EIF2B4: variants seen among roughly 807,000 people sequenced by gnomAD.
EIF2B4 encodes translation initiation factor eIF2B subunit delta.
Under a neutral mutation model 66.7 loss-of-function variants are expected in EIF2B4, and 34 were observed. That is an observed-to-expected ratio of 0.51 (90% CI 0.39 to 0.68). The LOEUF is 0.68. Among genes scored for constraint, EIF2B4 ranks in the 30% least tolerant of loss-of-function variants. The pLI is 0.00. For missense variants in EIF2B4, 618 were observed against 657.9 expected (o/e 0.94, Z 0.66); for synonymous variants, 278 against 253.6 (o/e 1.10, Z -0.92).
Position 27,364,912 on chromosome 2 carries a change from G to A in EIF2B4, c.1192-14C>T, listed in dbSNP as rs1681730753. On this transcript the variant is annotated splice_polypyrimidine_tract_variant and intron_variant, in intron 11 of 12. Transcript: ENST00000347454. ...CACCTTGGAAACCTGTTTCACAGGA[G>A]AAGAGGAAGAAAAAAATGTCATTGT... 2 of 1,613,192 alleles carry A rather than the reference G, an allele frequency of 1.2e-6. No individual in the cohort carries two copies. The highest frequency in any genetic ancestry group is 1.7e-6 in the Non-Finnish European group (2 of 1,179,548).
intron 10 of EIF2B4, 21 bp from the exon 11 acceptor site, chr2:27,366,957 G>A (rs1681910207): frequency 2.5e-6 from 4 of 1,613,922 alleles, no homozygotes; most frequent in Admixed American, 3.3e-5. Context: ...TGAAGAGGAG[G>A]ATTCAGTTAT....
chr2:27,364,986 G>T, intron 11 of EIF2B4, 88 bp from the exon 12 acceptor site: 1 of 1,316,668 alleles, frequency 7.6e-7, no homozygotes, highest in Non-Finnish European at 1.1e-6. Flanking sequence ...GCAACATTAA[G>T]ACAAGTAATA....
At position 27,367,836 on chromosome 2, in the gene EIF2B4, A is replaced by G. The variant is rs1274287372; in HGVS notation, c.706-14T>C. 1.2e-6 allele frequency: 2 copies of G among 1,611,206 alleles called. No homozygotes were observed. Among genetic ancestry groups the G allele is most frequent in the African/African-American group, 2.7e-5 (2 of 74,866 alleles). On this transcript the variant is annotated splice_polypyrimidine_tract_variant and intron_variant, in intron 7 of 12. Transcript: ENST00000347454. ...ATCCTGAATCACCTATAGGGTACAC[A>G]AGGTGATCTGCAAAATACCCCTTAA...
At chr2:27,368,333 C>G in intron 6 of EIF2B4, 39 bp downstream of exon 6, 2 of 1,569,466 alleles carry the variant, frequency 1.3e-6, no homozygotes, top group Non-Finnish European at 1.8e-6. Flanking sequence ...ACTAAAACTC[C>G]TCAGACTCAA....
intron 11 of EIF2B4, chr2:27,365,219 G>A (rs959873175): frequency 5.7e-5 from 20 of 352,802 alleles, no homozygotes; most frequent in Middle Eastern, 9.7e-4. Flanking sequence ...ACCACTCCCA[G>A]CTGATTTGTT....
At position 27,369,445 on chromosome 2, in the gene EIF2B4, A is replaced by T. The variant is rs780733138; in HGVS notation, c.180T>A (p.Thr60=). The T allele has an allele frequency of 1.9e-6, 3 of 1,614,082 alleles. No homozygotes were observed. Among genetic ancestry groups the T allele is most frequent in the Non-Finnish European group, 2.5e-6 (3 of 1,180,018 alleles). The part of the protein sequence containing the change: ...RKEEKGAEPE[T]GSAVSAAQCQ... ...ATTGGGCTGCAGATACAGCAGAGCC[A>T]GTCTCTGGTTCTGCCCCCTTTTCTT... The change falls in exon 3 of 13, where the codon ACT becomes ACA. Residue 60 remains threonine, a synonymous_variant. Coordinates refer to ENST00000347454, the MANE Select transcript of EIF2B4 (RefSeq NM_001034116.2).
In EIF2B4 at chr2:27,369,156, T is replaced by C; in HGVS notation, c.268A>G (p.Lys90Glu). Residue 90 changes from lysine (K) to glutamate (E), a missense_variant, in exon 4 of 13, where the codon AAA (lysine) becomes GAA (glutamate). Transcript: ENST00000347454. ...GCCTTACTCCGACCAGCTGGAACTTTCTCCCGAGGAGTGCCCAACTGAATG... is the reference window on the plus strand; with the variant it reads ...GCCTTACTCCGACCAGCTGGAACTTCCTCCCGAGGAGTGCCCAACTGAATG... ...SGIQLGTPREKVPAGRSKAEL... is the reference protein window; with the variant it reads ...SGIQLGTPREEVPAGRSKAEL... 6.2e-7 allele frequency: 1 copy of C among 1,613,648 alleles called. No homozygotes were observed. Among genetic ancestry groups the C allele is most frequent in the South Asian group, 1.1e-5 (1 of 91,078 alleles).
Position 27,369,978 on chromosome 2 carries a change from A to G in EIF2B4, c.32-59T>C, listed in dbSNP as rs746918564. 1.2e-5 allele frequency: 19 copies of G among 1,547,036 alleles called. No individual in the cohort carries two copies. The South Asian group carries it at 1.9e-4, about 16-fold the overall frequency. The stretch of plus-strand genomic sequence containing the variant: ...AGAGACTCCGGGAGGGTTTGGGGGC[A>G]CGAGTACTCGGCGCAGCCGGCTGCT... On this transcript the variant is annotated intron_variant, in intron 1 of 12. Coordinates refer to ENST00000347454, the MANE Select transcript of EIF2B4 (RefSeq NM_001034116.2).
chr2:27,368,198 T>C lies in EIF2B4; in HGVS notation c.591-59A>G, dbSNP rs1682008205. Reference sequence around the variant, plus strand: ...GGAGCTTGAGCATCTACTGCCCACCTGCCCCTGATGAAAAGGAACTCCCTT... The same window carrying C: ...GGAGCTTGAGCATCTACTGCCCACCCGCCCCTGATGAAAAGGAACTCCCTT... On this transcript the variant is annotated intron_variant, in intron 6 of 12. Transcript: ENST00000347454. 1.1e-5 allele frequency: 15 copies of C among 1,420,668 alleles called. No homozygotes were observed. In the East Asian group the frequency reaches 3.7e-4, roughly 35 times the overall value. The allele number at this position is 1,420,668 out of a possible 1,614,324, so 88.0% of individuals were successfully genotyped here. A position where few individuals can be genotyped will look rare whatever the true frequency, so the allele number is the denominator to read the frequency against.
chr2:27,367,860 A>G, intron 7 of EIF2B4, 38 bp from the exon 8 acceptor site: 2 of 1,592,244 alleles, frequency 1.3e-6, no homozygotes, highest in Non-Finnish European at 1.7e-6. Flanking sequence ...AATACCCCTT[A>G]ATAAAGATCT....
rs1176474610 is a variant in EIF2B4 at position 27,368,429 on chromosome 2, C to T, written c.533G>A (p.Ser178Asn). Residue 178 changes from serine (S) to asparagine (N), a missense_variant, in exon 6 of 13, where the codon AGT (serine) becomes AAT (asparagine). This residue lies in a region of EIF2B4 where 506 missense variants were observed against 511.9 expected (regional missense o/e 0.99). Transcript: ENST00000347454. ...PTRKDYGSKV[S>N]LFSHLPQYSR... ...GTACTGGGGTAGGTGAGAGAAGAGACTGACTTTGGATCCATAATCCTTTCG... is the reference window on the plus strand; with the variant it reads ...GTACTGGGGTAGGTGAGAGAAGAGATTGACTTTGGATCCATAATCCTTTCG... 1.3e-5 allele frequency: 21 copies of T among 1,614,174 alleles called. No individual in the cohort carries two copies. Among genetic ancestry groups the T allele is most frequent in the Non-Finnish European group, 1.7e-5 (20 of 1,180,010 alleles).
At position 27,367,022 on chromosome 2, in the gene EIF2B4, C is replaced by T. The variant is rs947114920; in HGVS notation, c.1013+52G>A. The stretch of plus-strand genomic sequence containing the variant: ...CCCAAAGGCAAGTGGGTAGTCCCTT[C>T]TTCAGATCATTCCAACTCCCAATCT... On this transcript the variant is annotated intron_variant, in intron 10 of 12. Coordinates refer to ENST00000347454, the MANE Select transcript of EIF2B4 (RefSeq NM_001034116.2). 17 of 1,613,936 alleles carry T rather than the reference C, an allele frequency of 1.1e-5. No homozygotes were observed. The African/African-American group carries it at 1.9e-4, about 18-fold the overall frequency.
At position 27,366,115 on chromosome 2, in the gene EIF2B4, T is replaced by TGC. The variant is rs1553394646; in HGVS notation, c.1191+642_1191+643dup. The TGC allele has an allele frequency of 9.0e-5, 10 of 111,012 alleles. 1 individual carries two copies. The highest frequency in any genetic ancestry group is 5.3e-4 in the East Asian group (2 of 3,776). The allele number at this position is 111,012 out of a possible 1,614,324, so 6.9% of individuals were successfully genotyped here. A position where few individuals can be genotyped will look rare whatever the true frequency, so the allele number is the denominator to read the frequency against. On this transcript the variant is annotated intron_variant, in intron 11 of 12. Coordinates refer to ENST00000347454, the MANE Select transcript of EIF2B4 (RefSeq NM_001034116.2). ...GTAGCTGTGTGTGTGTGTGTGTGTG[T>TGC]GCGTGCGCGCGCGCACGCACTCAAG...
Position 27,364,516 on chromosome 2 carries a change from T to C in EIF2B4, c.1456A>G (p.Asn486Asp). Residue 486 changes from asparagine to aspartate, a missense_variant, in exon 13 of 13, where the codon AAT becomes GAT. Asn to Asp is a conservative substitution (Grantham distance 23, BLOSUM62 1). This residue lies in a region of EIF2B4 where 63 missense variants were observed against 47.5 expected (regional missense o/e 1.33). Transcript: ENST00000347454. ...WQNHASLRLLNLVYDVTPPEL... is the reference protein window; with the variant it reads ...WQNHASLRLLDLVYDVTPPEL... ...GGGGGAGTCACATCATAGACTAGAT[T>C]CAACAACCGTAGGGATGCGTGGTTC... 6.2e-7 allele frequency: 1 copy of C among 1,614,162 alleles called. No homozygotes were observed. The highest frequency in any genetic ancestry group is 8.5e-7 in the Non-Finnish European group (1 of 1,180,024).
chr2:27,369,800 A>G, intron 2 of EIF2B4, 76 bp downstream of exon 2: 2 of 1,511,388 alleles, frequency 1.3e-6, no homozygotes, highest in Non-Finnish European at 1.8e-6. Flanking sequence ...ACGGGATGGG[A>G]GCTGGGGCGG....
chr2:27,365,372 A>T (rs922436886), intron 11 of EIF2B4, among the ~76,000 whole-genome samples: 1 of 143,332 alleles, frequency 7.0e-6, no homozygotes, highest in Non-Finnish European at 1.5e-5. Context: ...GGCAATTAAT[A>T]AATCCTTTTT....
At chr2:27,369,994 G>A (rs952248598) in intron 1 of EIF2B4, 75 bp from the exon 2 acceptor site, 14 of 1,538,038 alleles carry the variant, frequency 9.1e-6, no homozygotes, top group Non-Finnish European at 1.2e-5. Flanking sequence ...ACTCGGCGCA[G>A]CCGGCTGCTG....
rs1230298475 is a variant in EIF2B4, at chr2:27,369,856, G to A, written c.75+20C>T. 1.3e-6 allele frequency: 2 copies of A among 1,567,984 alleles called. No homozygotes were observed. The highest frequency in any genetic ancestry group is 1.9e-5 in the Admixed American group (1 of 52,884). The stretch of plus-strand genomic sequence containing the variant: ...CTGCGTAGCGCTTGGCAGGCGGCTT[G>A]GGAGGGAAGCCTCACTTACCCCAGG... On this transcript the variant is annotated intron_variant, in intron 2 of 12. Transcript: ENST00000347454.
chr2:27,370,209 G>T, intron 1 of EIF2B4, 75 bp downstream of exon 1: 1 of 1,539,314 alleles, frequency 6.5e-7, no homozygotes. Context: ...GCCCAAAGGC[G>T]CTCAAGGCCC....
Sources: allele counts gnomAD v4.1 joint callset (sites outside exome capture counted in the v4.1 genomes callset), GRCh38; gene constraint gnomAD v4.1.1; regional missense constraint gnomAD v4.1.1; transcripts MANE v1.5; gene names NCBI Gene and HGNC (gene_info 2026-07-23, HGNC 2026-07-21).